TRIQK: variants seen among roughly 807,000 people sequenced by gnomAD.
The protein encoded by TRIQK is triple QxxK/R motif-containing protein.
In TRIQK, 10 loss-of-function variants were observed where a neutral mutation model predicts 10.8. That is an observed-to-expected ratio of 0.92 (90% confidence interval 0.57 to 1.57). The LOEUF is 1.57. Among genes scored for constraint, TRIQK ranks in the 40% most tolerant of loss-of-function variants. The pLI is 0.00. For missense variants in TRIQK, 107 were observed against 97.7 expected, an observed-to-expected ratio of 1.09 and a Z score of -0.40; for synonymous variants, 33 against 33.7, an observed-to-expected ratio of 0.98 and a Z score of 0.07.
chr8:92,956,196 G>T (rs1812163323), intron 1 of TRIQK, among the ~76,000 whole-genome samples: 1 of 151,694 alleles, frequency 6.6e-6, no homozygotes, highest in African/African-American at 2.4e-5. Context: ...CTATATGGTG[G>T]AATATTAAAA....
intron 2 of TRIQK, among the ~76,000 whole-genome samples, chr8:92,930,828 ATTGT>A (rs1810687246): frequency 6.6e-6 from 1 of 152,158 alleles, no homozygotes; most frequent in African/African-American, 2.4e-5. Flanking sequence ...AAAACTCAAG[ATTGT>A]TTGAATTATC....
intron 1 of TRIQK, among the ~76,000 whole-genome samples, chr8:92,978,018 C>G (rs1022369228): frequency 6.6e-6 from 1 of 152,028 alleles, no homozygotes; most frequent in African/African-American, 2.4e-5. Flanking sequence ...CTGCTTTTTC[C>G]AGGTGATTCA....
rs778349261 is a variant in TRIQK at position 92,886,738 on chromosome 8, G to A, written c.148-3C>T. On this transcript the variant is annotated splice_region_variant and splice_polypyrimidine_tract_variant and intron_variant, in intron 4 of 4. Coordinates refer to ENST00000521988, the MANE Select transcript of TRIQK (RefSeq NM_001171797.2). ...GCTGCAAGTACAAGGCCAACTTCCT[G>A]GGAAGAAAAAAAAAGTAGACTTGAA... 1 of 1,495,600 alleles carries A rather than the reference G, an allele frequency of 6.7e-7. No homozygotes were observed. The highest frequency in any genetic ancestry group is 9.0e-7 in the Non-Finnish European group (1 of 1,115,038). The allele number at this position is 1,495,600 out of a possible 1,614,324, so 92.6% of individuals were successfully genotyped here.
intron 2 of TRIQK, among the ~76,000 whole-genome samples, chr8:92,926,571 C>A (rs1810459824): frequency 1.3e-5 from 2 of 151,152 alleles, no homozygotes; most frequent in African/African-American, 4.9e-5. Flanking sequence ...GGAGGAACAA[C>A]CAGAAAGTGA....
At chr8:92,926,822 G>A (rs907196421) in intron 2 of TRIQK, among the ~76,000 whole-genome samples, 7 of 152,170 alleles carry the variant, frequency 4.6e-5, no homozygotes, top group African/African-American at 1.7e-4. Flanking sequence ...AAGGAAAGGT[G>A]GGAAGTTTGG....
intron 1 of TRIQK, among the ~76,000 whole-genome samples, chr8:93,011,171 C>T (rs1172798854): frequency 7.6e-6 from 1 of 131,408 alleles, no homozygotes; most frequent in Admixed American, 7.5e-5. Context: ...TGTGTGTATA[C>T]ACATACATAC....
At position 92,937,729 on chromosome 8, in the gene TRIQK, T is replaced by C. The variant is rs146699083; in HGVS notation, c.-22+16677A>G. ...ACATATTATGTAACCTTTCATAATC[T>C]ATCTTCAAATAATATTATACTACTC... On this transcript the variant is annotated intron_variant, in intron 2 of 4. Transcript: ENST00000521988. Among the ~76,000 whole-genome samples, 137 of 151,972 alleles carry C rather than the reference T, an allele frequency of 9.0e-4. 1 individual carries two copies. Among genetic ancestry groups the C allele is most frequent in the African/African-American group, 3.2e-3 (135 of 41,576 alleles).
chr8:92,906,394 C>A (rs1248427071), intron 3 of TRIQK, among the ~76,000 whole-genome samples: 1 of 152,082 alleles, frequency 6.6e-6, no homozygotes, highest in Non-Finnish European at 1.5e-5. Flanking sequence ...ATTCCTGGGA[C>A]AACTCAAGTA....
chr8:92,932,367 C>A (rs1024896925), intron 2 of TRIQK, among the ~76,000 whole-genome samples: 1 of 152,108 alleles, frequency 6.6e-6, no homozygotes, highest in Non-Finnish European at 1.5e-5. Context: ...GCAAGTTTCT[C>A]CTGTTTTCTA....
intron 3 of TRIQK, among the ~76,000 whole-genome samples, chr8:92,896,774 A>T (rs1415987462): frequency 6.6e-6 from 1 of 150,684 alleles, no homozygotes; most frequent in Non-Finnish European, 1.5e-5. Context: ...TTGGAATGGG[A>T]ATGTCTGTGG....
At chr8:93,012,697 C>T (rs1489532780) in intron 1 of TRIQK, among the ~76,000 whole-genome samples, 1 of 152,124 alleles carries the variant, frequency 6.6e-6, no homozygotes, top group Non-Finnish European at 1.5e-5. Flanking sequence ...GACGCACCAG[C>T]TTAAATCTTG....
At chr8:92,980,391 TCA>T (rs1002329901) in intron 1 of TRIQK, among the ~76,000 whole-genome samples, 9 of 151,808 alleles carry the variant, frequency 5.9e-5, no homozygotes, top group South Asian at 2.1e-4. Context: ...GTGTCTGCAC[TCA>T]CGCGCGTGTG....
chr8:92,990,203 CT>C, intron 1 of TRIQK, among the ~76,000 whole-genome samples: 1 of 152,250 alleles, frequency 6.6e-6, no homozygotes, highest in Non-Finnish European at 1.5e-5. Flanking sequence ...AGAAGAAATG[CT>C]TGTCATAAAG....
At chr8:93,010,747 C>G (rs901364171) in intron 1 of TRIQK, among the ~76,000 whole-genome samples, 1 of 152,032 alleles carries the variant, frequency 6.6e-6, no homozygotes, top group Admixed American at 6.6e-5. Flanking sequence ...CCATCACATG[C>G]AACTATTGCA....
chr8:93,004,199 A>G (rs190003765), intron 1 of TRIQK, among the ~76,000 whole-genome samples: 7 of 152,284 alleles, frequency 4.6e-5, no homozygotes, highest in African/African-American at 1.7e-4. Context: ...ACACCCAGGC[A>G]TTTCCGTACA....
chr8:92,966,603 A>G (rs1364840536), upstream of TRIQK, among the ~76,000 whole-genome samples: 2 of 152,244 alleles, frequency 1.3e-5, no homozygotes, highest in Non-Finnish European at 2.9e-5. Context: ...TTAGGAGCCT[A>G]TGTTCGGGTA....
At chr8:92,929,581 T>C (rs1017875412) in intron 2 of TRIQK, 1 of 152,184 alleles carries the variant, frequency 6.6e-6, no homozygotes. Context: ...CTGCCTGGAA[T>C]AGACAAAAAG....
At chr8:93,005,061 G>A (rs188738732) in intron 1 of TRIQK, among the ~76,000 whole-genome samples, 1 of 140,794 alleles carries the variant, frequency 7.1e-6, no homozygotes, top group East Asian at 2.0e-4. Context: ...TATCTTTATA[G>A]CAATGCCTGA....
intron 1 of TRIQK, among the ~76,000 whole-genome samples, chr8:92,974,989 T>C (rs1018532520): frequency 2.6e-5 from 4 of 152,160 alleles, no homozygotes; most frequent in African/African-American, 9.7e-5. Flanking sequence ...GGTTTCAGGG[T>C]TCCATTCTCC....
Sources: allele counts gnomAD v4.1 joint callset (sites outside exome capture counted in the v4.1 genomes callset), GRCh38; gene constraint gnomAD v4.1.1; transcripts MANE v1.5; gene names NCBI Gene and HGNC (gene_info 2026-07-23, HGNC 2026-07-21).